The following FAM107B variants were observed in gnomAD, a reference collection of about 807,000 sequenced individuals.
FAM107B encodes family with sequence similarity 107 member B.
FAM107B carries 21 observed loss-of-function variants against 31.5 expected under a neutral mutation model. The ratio of observed to expected loss-of-function variants is 0.67; its 90% confidence interval spans 0.47 to 0.96. FAM107B has a LOEUF of 0.96. Ranked by LOEUF, FAM107B falls within the 40% of genes least tolerant of loss-of-function variation. The pLI is 0.00. For missense variants in FAM107B, 452 were observed against 377.1 expected (o/e 1.20, Z -1.64); for synonymous variants, 157 against 141.5 (o/e 1.11, Z -0.78).
chr10:14,649,633 C>T (rs949739824), intron 2 of FAM107B, among the ~76,000 whole-genome samples: 1 of 152,184 alleles, frequency 6.6e-6, no homozygotes. Context: ...GTGACCTGGA[C>T]ACCCCCCACT....
At chr10:14,595,232 C>T (rs1002636271) in intron 2 of FAM107B, among the ~76,000 whole-genome samples, 3 of 151,990 alleles carry the variant, frequency 2.0e-5, no homozygotes, top group Admixed American at 6.6e-5. Context: ...TAAATTATAC[C>T]GCAATAAAGC....
chr10:14,681,155 A>G (rs1854824583), intron 1 of FAM107B, among the ~76,000 whole-genome samples: 1 of 152,206 alleles, frequency 6.6e-6, no homozygotes, highest in African/African-American at 2.4e-5. Flanking sequence ...TGTATTTCTC[A>G]AAGTCTGGTG....
chr10:14,653,848 G>A (rs1030040872), intron 2 of FAM107B: 5 of 152,122 alleles, frequency 3.3e-5, no homozygotes, highest in African/African-American at 9.7e-5. Flanking sequence ...GACCCCACAC[G>A]ATCTTACCTG....
At chr10:14,637,767 G>A (rs1853536781) in intron 2 of FAM107B, among the ~76,000 whole-genome samples, 1 of 152,140 alleles carries the variant, frequency 6.6e-6, no homozygotes, top group Non-Finnish European at 1.5e-5. Context: ...TGTTGGGGTG[G>A]TGTATATTAG....
chr10:14,604,304 C>A, intron 2 of FAM107B: 2 of 975,842 alleles, frequency 2.0e-6, no homozygotes, highest in South Asian at 9.3e-5. Context: ...CGGCGGCGCC[C>A]AGCGGCCCGA....
At chr10:14,620,239 G>A (rs953571807) in intron 2 of FAM107B, among the ~76,000 whole-genome samples, 2 of 152,072 alleles carry the variant, frequency 1.3e-5, no homozygotes, top group South Asian at 4.2e-4. Context: ...GGATGGTCTC[G>A]ATGTCTCGAC....
intron 2 of FAM107B, among the ~76,000 whole-genome samples, chr10:14,626,147 T>C (rs910715005): frequency 1.3e-5 from 2 of 152,118 alleles, no homozygotes; most frequent in African/African-American, 4.8e-5. Context: ...AATGATTTTA[T>C]TTACTCCGTT....
intron 2 of FAM107B, among the ~76,000 whole-genome samples, chr10:14,566,209 AGGAGTGAAAGG>A (rs1245193505): frequency 1.5e-4 from 23 of 152,212 alleles, no homozygotes; most frequent in African/African-American, 5.1e-4. Flanking sequence ...TAATGGATTG[AGGAGTGAAAGG>A]GGAATGAAAG....
intron 1 of FAM107B, among the ~76,000 whole-genome samples, chr10:14,742,665 A>G (rs1022594742): frequency 4.7e-4 from 71 of 152,252 alleles, no homozygotes; most frequent in African/African-American, 1.6e-3. Flanking sequence ...GCATTCAAAG[A>G]CCAGTATCTG....
At chr10:14,672,616 T>C (rs1854589030) in intron 1 of FAM107B, among the ~76,000 whole-genome samples, 1 of 152,212 alleles carries the variant, frequency 6.6e-6, no homozygotes, top group African/African-American at 2.4e-5. Context: ...TGTTGCTGAC[T>C]GAAACATTAT....
At chr10:14,715,039 T>C (rs1414501999) in intron 1 of FAM107B, among the ~76,000 whole-genome samples, 1 of 152,078 alleles carries the variant, frequency 6.6e-6, no homozygotes, top group African/African-American at 2.4e-5. Flanking sequence ...ATGGGCAAAG[T>C]CCAGGCCACA....
At position 14,755,248 on chromosome 10, in the gene FAM107B, C is replaced by T. The variant is rs185972730; in HGVS notation, c.411+19005G>A. On this transcript the variant is annotated intron_variant, in intron 1 of 4. Transcript: ENST00000181796. Reference sequence around the variant, plus strand: ...AATCTATTTTGAGCATGAACAAGTCCCATTAGGTAGCAGGCCAGGGTTGGG... The same window carrying T: ...AATCTATTTTGAGCATGAACAAGTCTCATTAGGTAGCAGGCCAGGGTTGGG... Among the ~76,000 whole-genome samples, 11 of 152,022 alleles carry T rather than the reference C, an allele frequency of 7.2e-5. No homozygotes were observed. The East Asian group carries it at 2.1e-3, about 29-fold the overall frequency.
chr10:14,594,742 A>G (rs888147601), intron 2 of FAM107B, among the ~76,000 whole-genome samples: 1 of 152,188 alleles, frequency 6.6e-6, no homozygotes, highest in Non-Finnish European at 1.5e-5. Context: ...CTCTCATGGA[A>G]CTGCATTGGT....
chr10:14,526,506 A>T (rs1312048058), intron 3 of FAM107B, among the ~76,000 whole-genome samples: 7 of 152,140 alleles, frequency 4.6e-5, no homozygotes, highest in Non-Finnish European at 8.8e-5. Flanking sequence ...TTAATCTTGT[A>T]ATCTTTGGTT....
At chr10:14,683,464 T>C (rs1854894693) in intron 1 of FAM107B, among the ~76,000 whole-genome samples, 1 of 152,214 alleles carries the variant, frequency 6.6e-6, no homozygotes, top group African/African-American at 2.4e-5. Context: ...ACGGTGGAAA[T>C]TTCAGAACCA....
chr10:14,678,118 G>A (rs1446658420), intron 1 of FAM107B, among the ~76,000 whole-genome samples: 3 of 152,204 alleles, frequency 2.0e-5, no homozygotes, highest in Non-Finnish European at 2.9e-5. Flanking sequence ...AGGTGGTCCG[G>A]AGTCTGTGCT....
chr10:14,592,351 C>T (rs1429734785), intron 2 of FAM107B, among the ~76,000 whole-genome samples: 4 of 152,140 alleles, frequency 2.6e-5, no homozygotes, highest in Non-Finnish European at 2.9e-5. Context: ...CCAGCAGGTT[C>T]GTAGCAACTC....
At chr10:14,560,510 G>A (rs1183637971) in intron 2 of FAM107B, among the ~76,000 whole-genome samples, 1 of 152,216 alleles carries the variant, frequency 6.6e-6, no homozygotes, top group Non-Finnish European at 1.5e-5. Flanking sequence ...AGAAACAATG[G>A]AGGAACCAGC....
chr10:14,656,072 T>A (rs1246567703), intron 2 of FAM107B, among the ~76,000 whole-genome samples: 1 of 152,176 alleles, frequency 6.6e-6, no homozygotes, highest in African/African-American at 2.4e-5. Context: ...AAACAATTGA[T>A]ATTTTCTCAT....
Sources: gnomAD v4.1 joint callset for allele counts (sites outside exome capture counted in the v4.1 genomes callset) on GRCh38, gnomAD v4.1.1 for gene constraint, MANE v1.5 for transcripts, NCBI Gene and HGNC (gene_info 2026-07-23, HGNC 2026-07-21) for gene names.